Variants in CTNND2 observed in about 807,000 individuals in gnomAD.
CTNND2 encodes the protein catenin delta 2, also known as catenin delta-2.
Under a neutral mutation model 144.4 loss-of-function variants are expected in CTNND2, and 22 were observed. The observed-to-expected ratio is 0.15, with a 90% CI of 0.11 to 0.22. The LOEUF (loss-of-function observed/expected upper bound fraction) is 0.22, where lower values mean the gene tolerates loss of function less well. Among genes scored for constraint, CTNND2 ranks in the 10% least tolerant of loss-of-function variants. CTNND2 has a pLI of 1.00. For synonymous variants in CTNND2, 751 were observed against 695.6 expected (o/e 1.08, Z -1.25); for missense variants, 1,353 against 1,618.8 (o/e 0.84, Z 2.82).
intron 3 of CTNND2, among the ~76,000 whole-genome samples, chr5:11,417,691 T>C (rs1286683058): frequency 6.6e-6 from 1 of 152,184 alleles, no homozygotes; most frequent in Non-Finnish European, 1.5e-5. Context: ...TCTCATACAC[T>C]GTAGGTGGGA....
At chr5:11,122,700 T>C (rs1247824797) in intron 12 of CTNND2, among the ~76,000 whole-genome samples, 2 of 152,030 alleles carry the variant, frequency 1.3e-5, no homozygotes, top group African/African-American at 2.4e-5. Context: ...GGATCTGGCC[T>C]GGGTTCCTGA....
intron 9 of CTNND2, among the ~76,000 whole-genome samples, chr5:11,305,850 G>A (rs1750137301): frequency 6.6e-6 from 1 of 152,172 alleles, no homozygotes; most frequent in African/African-American, 2.4e-5. Context: ...TGAGAAACAT[G>A]GGAGAATGTC....
chr5:11,481,378 C>A (rs1478386390), intron 3 of CTNND2, among the ~76,000 whole-genome samples: 1 of 152,140 alleles, frequency 6.6e-6, no homozygotes, highest in Non-Finnish European at 1.5e-5. Flanking sequence ...TATCAGCCAG[C>A]ATTTTAAAAA....
chr5:11,412,916 T>A (rs1471062159), intron 3 of CTNND2, among the ~76,000 whole-genome samples: 1 of 152,180 alleles, frequency 6.6e-6, no homozygotes, highest in Admixed American at 6.5e-5. Flanking sequence ...GAATAGTTCA[T>A]TAGTTTCACA....
At chr5:11,022,415 G>T (rs1477575627) in intron 17 of CTNND2, among the ~76,000 whole-genome samples, 1 of 152,144 alleles carries the variant, frequency 6.6e-6, no homozygotes, top group East Asian at 1.9e-4. Context: ...ATGTTGGTAA[G>T]GTGGACCTGA....
intron 5 of CTNND2, among the ~76,000 whole-genome samples, 180 bp from the exon 6 acceptor site, chr5:11,397,383 T>A (rs1378268819): frequency 1.5e-5 from 2 of 129,198 alleles, no homozygotes; most frequent in Non-Finnish European, 3.0e-5. Flanking sequence ...TGAGATTTTT[T>A]ATTTTTTATT....
At chr5:11,782,550 GTA>G (rs1238974551) in intron 1 of CTNND2, among the ~76,000 whole-genome samples, 1 of 152,174 alleles carries the variant, frequency 6.6e-6, no homozygotes, top group Non-Finnish European at 1.5e-5. Flanking sequence ...CTTCATAAAT[GTA>G]TGTTTCTCTT....
intron 11 of CTNND2, among the ~76,000 whole-genome samples, chr5:11,173,887 T>C (rs2149790227): frequency 6.6e-6 from 1 of 152,238 alleles, no homozygotes; most frequent in East Asian, 1.9e-4. Context: ...GGATGGTTGG[T>C]TTTTAAACAC....
At chr5:11,271,748 G>T (rs1025935594) in intron 9 of CTNND2, among the ~76,000 whole-genome samples, 1 of 152,118 alleles carries the variant, frequency 6.6e-6, no homozygotes, top group African/African-American at 2.4e-5. Context: ...ATTACCAAGT[G>T]GGTCCTCACC....
intron 1 of CTNND2, among the ~76,000 whole-genome samples, chr5:11,770,910 G>A (rs1306035740): frequency 6.6e-6 from 1 of 152,016 alleles, no homozygotes; most frequent in Non-Finnish European, 1.5e-5. Context: ...AGGAGGGGGG[G>A]ACTAGTTTCA....
intron 3 of CTNND2, among the ~76,000 whole-genome samples, chr5:11,461,251 T>C (rs1766195464): frequency 1.3e-5 from 2 of 151,930 alleles, no homozygotes; most frequent in African/African-American, 4.8e-5. Context: ...CAGAAAAACA[T>C]AGATAAGTAA....
intron 2 of CTNND2, among the ~76,000 whole-genome samples, chr5:11,722,294 C>T (rs12332224): frequency 0.23 from 34,250 of 152,052 alleles, 4,798 homozygotes; most frequent in African/African-American, 0.4. Flanking sequence ...CAAATCCTCC[C>T]AGCATTTTCT....
intron 1 of CTNND2, among the ~76,000 whole-genome samples, chr5:11,879,853 AG>A (rs1158215611): frequency 6.6e-6 from 1 of 152,152 alleles, no homozygotes; most frequent in Non-Finnish European, 1.5e-5. Context: ...GGCATATGGA[AG>A]GACTGGACTT....
chr5:11,088,132 G>A (rs1239817576), intron 15 of CTNND2, among the ~76,000 whole-genome samples: 1 of 152,156 alleles, frequency 6.6e-6, no homozygotes, highest in East Asian at 1.9e-4. Flanking sequence ...TGTCATCCTT[G>A]TGTGCAACTG....
chr5:11,872,310 T>C (rs1040749207), intron 1 of CTNND2, among the ~76,000 whole-genome samples: 3 of 152,344 alleles, frequency 2.0e-5, no homozygotes, highest in South Asian at 2.1e-4. Context: ...TGGTTCCAAG[T>C]CTTTGTTATT....
At chr5:11,405,393 A>G (rs1581125800) in intron 5 of CTNND2, among the ~76,000 whole-genome samples, 3 of 152,254 alleles carry the variant, frequency 2.0e-5, no homozygotes, top group South Asian at 4.2e-4. Context: ...AAACATCTAC[A>G]TGGTAGGAGG....
intron 2 of CTNND2, among the ~76,000 whole-genome samples, chr5:11,584,350 A>G (rs1778662872): frequency 6.6e-6 from 1 of 151,102 alleles, no homozygotes; most frequent in East Asian, 1.9e-4. Context: ...TTTGCCTTGT[A>G]CTAAAACAAT....
intron 5 of CTNND2, among the ~76,000 whole-genome samples, chr5:11,407,054 T>C (rs553843688): frequency 6.6e-6 from 1 of 152,340 alleles, no homozygotes; most frequent in South Asian, 2.1e-4. Flanking sequence ...ACTGACAACA[T>C]TTTTGTGAAT....
chr5:11,006,054 AAAC>A (rs1561159121), intron 18 of CTNND2, among the ~76,000 whole-genome samples: 2 of 152,046 alleles, frequency 1.3e-5, no homozygotes, highest in African/African-American at 4.8e-5. Flanking sequence ...CTATTAAAAA[AAAC>A]AACAACAAAA....
Sources: allele counts gnomAD v4.1 joint callset (sites outside exome capture counted in the v4.1 genomes callset), GRCh38; gene constraint gnomAD v4.1.1; transcripts MANE v1.5; gene names NCBI Gene and HGNC (gene_info 2026-07-23, HGNC 2026-07-21).